The following CACNB2 variants were observed in gnomAD, a reference collection of about 807,000 sequenced individuals.
CACNB2 encodes calcium voltage-gated channel auxiliary subunit beta 2.
CACNB2 carries 42 observed loss-of-function variants against 73.3 expected under a neutral mutation model. That is an observed-to-expected ratio of 0.57 (90% CI 0.45 to 0.74). The LOEUF (loss-of-function observed/expected upper bound fraction) is 0.74, where lower values mean the gene tolerates loss of function less well. Among genes scored for constraint, CACNB2 ranks in the 30% least tolerant of loss-of-function variants. The pLI, the probability that CACNB2 is intolerant of heterozygous loss-of-function variation, is 0.00. For missense variants in CACNB2, 940 were observed against 853.0 expected (o/e 1.10, Z -1.27); for synonymous variants, 348 against 310.3 (o/e 1.12, Z -1.28).
intron 2 of CACNB2, among the ~76,000 whole-genome samples, chr10:18,196,293 CTT>C (rs374846564): frequency 3.7e-5 from 5 of 136,730 alleles, no homozygotes; most frequent in African/African-American, 5.5e-5. Context: ...ACCAACAAAA[CTT>C]TTTTTTTTTT....
chr10:18,536,811 A>G (rs1410946083), intron 12 of CACNB2, among the ~76,000 whole-genome samples: 6 of 152,212 alleles, frequency 3.9e-5, no homozygotes, highest in African/African-American at 7.2e-5. Flanking sequence ...TGATGAGTCT[A>G]TTTGGAGTTG....
At chr10:18,486,112 G>C (rs923011311) in intron 3 of CACNB2, among the ~76,000 whole-genome samples, 3 of 152,058 alleles carry the variant, frequency 2.0e-5, no homozygotes, top group African/African-American at 7.2e-5. Context: ...AGGAAATGAA[G>C]AAATCAATGC....
In CACNB2 at chr10:18,543,164, T is replaced by C. The variant is rs888319474; in HGVS notation, c.*3440T>C. 1 of 152,200 alleles carries C rather than the reference T, an allele frequency of 6.6e-6. No individual in the cohort carries two copies. The highest frequency in any genetic ancestry group is 1.9e-4 in the East Asian group (1 of 5,200). The allele number at this position is 152,200 out of a possible 1,614,324, so 9.4% of individuals were successfully genotyped here. A position where few individuals can be genotyped will look rare whatever the true frequency, so the allele number is the denominator to read the frequency against. On this transcript the variant is annotated 3_prime_UTR_variant, in exon 14 of 14. Coordinates refer to ENST00000324631, the MANE Select transcript of CACNB2 (RefSeq NM_201596.3). ...CACTGTTTATTAGTAGTAGTATTAA[T>C]TGCCATGTTAGAAATGATTCATGTA...
intron 2 of CACNB2, among the ~76,000 whole-genome samples, chr10:18,397,836 C>G (rs1643916813): frequency 6.6e-6 from 1 of 151,806 alleles, no homozygotes; most frequent in African/African-American, 2.4e-5. Context: ...AGTGAGAGCT[C>G]TAAGGATAAA....
At chr10:18,425,447 G>C (rs937716337) in intron 3 of CACNB2, among the ~76,000 whole-genome samples, 1 of 152,150 alleles carries the variant, frequency 6.6e-6, no homozygotes, top group African/African-American at 2.4e-5. Context: ...CAGGAGGACT[G>C]CTTGAGCTGA....
At chr10:18,292,521 T>G (rs2039108227) in intron 2 of CACNB2, among the ~76,000 whole-genome samples, 1 of 152,124 alleles carries the variant, frequency 6.6e-6, no homozygotes, top group Non-Finnish European at 1.5e-5. Context: ...CTAGGCCTGG[T>G]GGCGAGTGCC....
intron 2 of CACNB2, among the ~76,000 whole-genome samples, chr10:18,392,730 G>T (rs11014012): frequency 0.45 from 68,668 of 151,790 alleles, 15,637 homozygotes; most frequent in Middle Eastern, 0.55. Flanking sequence ...TGAATTTCTA[G>T]ACCAAAAATT....
chr10:18,166,033 T>G (rs1455650638), intron 2 of CACNB2, among the ~76,000 whole-genome samples: 2 of 152,210 alleles, frequency 1.3e-5, no homozygotes, highest in Admixed American at 1.3e-4. Context: ...CAATTGATCT[T>G]ATATTCGTAA....
chr10:18,163,200 C>T (rs1431292568), intron 2 of CACNB2, among the ~76,000 whole-genome samples: 1 of 152,158 alleles, frequency 6.6e-6, no homozygotes, highest in East Asian at 1.9e-4. Context: ...CTAGTGAGTA[C>T]TTTATTTGAT....
At chr10:18,500,561 G>T (rs751929916) in intron 4 of CACNB2, among the ~76,000 whole-genome samples, 2 of 152,170 alleles carry the variant, frequency 1.3e-5, no homozygotes, top group Non-Finnish European at 2.9e-5. Context: ...AGCAGCTGCT[G>T]CAAGGGAATT....
chr10:18,287,386 A>G lies in CACNB2; in HGVS notation c.214-114538A>G, dbSNP rs182714863. 4.6e-5 allele frequency among the ~76,000 whole-genome samples: 7 copies of G among 152,308 alleles called. No homozygotes were observed. The East Asian group carries it at 1.4e-3, about 29-fold the overall frequency. ...GACATTTTTCCCTTTAACATTTTAC[A>G]GTGACATTAATGAAAGGAGCTTGGA... On this transcript the variant is annotated intron_variant, in intron 2 of 13. Coordinates refer to ENST00000324631, the MANE Select transcript of CACNB2 (RefSeq NM_201596.3).
At chr10:18,528,202 A>T (rs2052664915) in intron 10 of CACNB2, among the ~76,000 whole-genome samples, 2 of 152,210 alleles carry the variant, frequency 1.3e-5, no homozygotes, top group African/African-American at 4.8e-5. Context: ...TGGGTGTGGA[A>T]ATTAGTAAAA....
chr10:18,332,675 AAC>A (rs1564443883), intron 2 of CACNB2, among the ~76,000 whole-genome samples: 1 of 152,168 alleles, frequency 6.6e-6, no homozygotes, highest in Non-Finnish European at 1.5e-5. Context: ...GTATCTAAAA[AAC>A]ACAGTGGGAC....
chr10:18,311,157 T>A (rs1307438575), intron 2 of CACNB2, among the ~76,000 whole-genome samples: 1 of 152,210 alleles, frequency 6.6e-6, no homozygotes, highest in Admixed American at 6.5e-5. Flanking sequence ...TCCCTGAAAT[T>A]GGTTTATCTG....
chr10:18,446,012 T>C (rs2046716606), intron 3 of CACNB2, among the ~76,000 whole-genome samples: 1 of 152,144 alleles, frequency 6.6e-6, no homozygotes, highest in Non-Finnish European at 1.5e-5. Flanking sequence ...CCAGCCTGGG[T>C]GACCAGAGTG....
chr10:18,511,437 C>A (rs912976588), intron 6 of CACNB2, among the ~76,000 whole-genome samples: 6 of 152,172 alleles, frequency 3.9e-5, no homozygotes, highest in African/African-American at 1.2e-4. Flanking sequence ...TAATGTAATG[C>A]CTGTCAGATG....
At chr10:18,394,540 TTATATACTCA>T (rs2043630277) in intron 2 of CACNB2, among the ~76,000 whole-genome samples, 1 of 152,168 alleles carries the variant, frequency 6.6e-6, no homozygotes, top group Non-Finnish European at 1.5e-5. Flanking sequence ...ATCCAATTTG[TTATATACTCA>T]TTTTACAAAG....
At chr10:18,234,388 G>A (rs562720432) in intron 2 of CACNB2, 1 of 152,132 alleles carries the variant, frequency 6.6e-6, no homozygotes, top group Non-Finnish European at 1.5e-5. Context: ...TTCCACTTTT[G>A]GGTATACACC....
chr10:18,535,545 G>T (rs898323056), intron 11 of CACNB2, among the ~76,000 whole-genome samples: 1 of 152,046 alleles, frequency 6.6e-6, no homozygotes, highest in African/African-American at 2.4e-5. Context: ...GGCTGAGGTG[G>T]GAGGATCATG....
Sources: allele counts gnomAD v4.1 joint callset (sites outside exome capture counted in the v4.1 genomes callset), GRCh38; gene constraint gnomAD v4.1.1; transcripts MANE v1.5; gene names NCBI Gene and HGNC (gene_info 2026-07-23, HGNC 2026-07-21).